DNAH8: variants seen among roughly 807,000 people sequenced by gnomAD.
The protein encoded by DNAH8 is dynein axonemal heavy chain 8.
DNAH8 carries 382 observed loss-of-function variants against 562.1 expected under a neutral mutation model. The ratio of observed to expected loss-of-function variants is 0.68; its 90% CI spans 0.63 to 0.74. The LOEUF is 0.74. Ranked by LOEUF, DNAH8 falls within the 30% of genes least tolerant of loss-of-function variation. The probability of loss-of-function intolerance (pLI) is 0.00; values close to 1 mark genes in which losing one functional copy is unlikely to be tolerated. For synonymous variants in DNAH8, 1,881 were observed against 1,919.4 expected (o/e 0.98, Z 0.52); for missense variants, 5,203 against 5,620.4 (o/e 0.93, Z 2.37).
At chr6:38,804,723 A>G (rs914797023) in intron 22 of DNAH8, among the ~76,000 whole-genome samples, 2 of 151,800 alleles carry the variant, frequency 1.3e-5, no homozygotes, top group African/African-American at 4.8e-5. Context: ...AGAACATTCC[A>G]GTCAAGCAGA....
chr6:38,841,628 G>A (rs1774798528), intron 33 of DNAH8, among the ~76,000 whole-genome samples: 1 of 152,152 alleles, frequency 6.6e-6, no homozygotes, highest in Admixed American at 6.5e-5. Flanking sequence ...ATTCTGTTGA[G>A]TGGTCAATTT....
chr6:38,943,030 C>A (rs537199965), intron 79 of DNAH8, among the ~76,000 whole-genome samples: 2 of 152,144 alleles, frequency 1.3e-5, no homozygotes, highest in South Asian at 2.1e-4. Context: ...ACATTTGTGA[C>A]CCCATTTCAT....
At chr6:38,735,151 A>G (rs903784714) in intron 5 of DNAH8, among the ~76,000 whole-genome samples, 2 of 152,218 alleles carry the variant, frequency 1.3e-5, no homozygotes, top group East Asian at 1.9e-4. Flanking sequence ...ACGTTCTTAA[A>G]TTGGGAATAA....
intron 5 of DNAH8, among the ~76,000 whole-genome samples, chr6:38,736,469 CTG>C (rs1764098558): frequency 6.6e-6 from 1 of 152,152 alleles, no homozygotes; most frequent in Admixed American, 6.5e-5. Context: ...CGACACCAAA[CTG>C]TATGAGTAGT....
At chr6:38,871,542 G>A (rs1395823751) in intron 49 of DNAH8, among the ~76,000 whole-genome samples, 1 of 152,068 alleles carries the variant, frequency 6.6e-6, no homozygotes, top group Non-Finnish European at 1.5e-5. Context: ...TTAAACTATA[G>A]TTTACAATGG....
intron 89 of DNAH8, 79 bp downstream of exon 89, chr6:39,009,049 A>G (rs1473314142): frequency 1.9e-6 from 2 of 1,066,808 alleles, no homozygotes; most frequent in Non-Finnish European, 2.7e-6. Context: ...TTGAAAAGCA[A>G]GAAATCTACC....
At chr6:38,929,336 A>G (rs1782354407) in intron 74 of DNAH8, 175 bp from the exon 75 acceptor site, 1 of 575,210 alleles carries the variant, frequency 1.7e-6, no homozygotes, top group Non-Finnish European at 2.9e-6. Context: ...CAACAAAATC[A>G]TGACTCACCA....
At position 38,894,690 on chromosome 6, in the gene DNAH8, T is replaced by C. The variant is rs1454003320; in HGVS notation, c.8584-11T>C. The stretch of plus-strand genomic sequence containing the variant: ...AAACTAACTGAGAGTATTACATTTT[T>C]TCATCTCTAGGTGAAGATGCTGCCA... On this transcript the variant is annotated splice_polypyrimidine_tract_variant and intron_variant, in intron 58 of 92. Coordinates refer to ENST00000327475, the MANE Select transcript of DNAH8 (RefSeq NM_001206927.2). 2 of 1,609,098 alleles carry C rather than the reference T, an allele frequency of 1.2e-6. No individual in the cohort carries two copies. The highest frequency in any genetic ancestry group is 1.7e-6 in the Non-Finnish European group (2 of 1,176,090).
rs143010287 is a variant in DNAH8, at chr6:39,014,761, A to G, written c.13714+2124A>G. ...GGGGAACAGGGAGACCAGTGTGGCCAGGGCTCAGGAGCAAGGCTGGGGGTA... is the reference window on the plus strand; with the variant it reads ...GGGGAACAGGGAGACCAGTGTGGCCGGGGCTCAGGAGCAAGGCTGGGGGTA... On this transcript the variant is annotated intron_variant, in intron 91 of 92. Coordinates refer to ENST00000327475, the MANE Select transcript of DNAH8 (RefSeq NM_001206927.2). Among the ~76,000 whole-genome samples, 699 of 152,282 alleles carry G rather than the reference A, an allele frequency of 4.6e-3. 6 individuals are homozygous for G. The highest frequency in any genetic ancestry group is 0.015 in the African/African-American group (640 of 41,562).
At chr6:38,931,720 G>A in intron 75 of DNAH8, 91 bp from the exon 76 acceptor site, 1 of 760,054 alleles carries the variant, frequency 1.3e-6, no homozygotes, top group Non-Finnish European at 2.1e-6. Context: ...AAGCGTCACA[G>A]CACTGACAGG....
In DNAH8 at chr6:38,807,593, C is replaced by A. The variant is rs1771400345; in HGVS notation, c.3151-17C>A. The A allele has an allele frequency of 7.2e-7, 1 of 1,381,162 alleles. No individual in the cohort carries two copies. Among genetic ancestry groups the A allele is most frequent in the Non-Finnish European group, 9.6e-7 (1 of 1,039,880 alleles). 85.6% of individuals were successfully genotyped at this position (1,381,162 alleles called of 1,614,324 possible). A position where few individuals can be genotyped will look rare whatever the true frequency, so the allele number is the denominator to read the frequency against. ...TTGGAGGAGAGATACCAAATTTAATCTGATTTCTTATTACAGGAGTGTAAA... is the reference window on the plus strand; with the variant it reads ...TTGGAGGAGAGATACCAAATTTAATATGATTTCTTATTACAGGAGTGTAAA... On this transcript the variant is annotated splice_polypyrimidine_tract_variant and intron_variant, in intron 23 of 92. Transcript: ENST00000327475.
rs999421026 is a variant in DNAH8 at position 38,789,951 on chromosome 6, A to G, written c.2664+68A>G. ...AAATTAGATTTCGGTTCTATAAACT[A>G]TGGATTTTGGAACATCTATTCTTCT... On this transcript the variant is annotated intron_variant, in intron 19 of 92. Coordinates refer to ENST00000327475, the MANE Select transcript of DNAH8 (RefSeq NM_001206927.2). 1.2e-5 allele frequency: 15 copies of G among 1,237,672 alleles called. No homozygotes were observed. In the African/African-American group the frequency reaches 2.1e-4, roughly 17 times the overall value. 76.7% of individuals were successfully genotyped at this position (1,237,672 alleles called of 1,614,324 possible).
At chr6:38,925,255 G>A (rs946930346) in intron 73 of DNAH8, among the ~76,000 whole-genome samples, 1 of 151,254 alleles carries the variant, frequency 6.6e-6, no homozygotes, top group Non-Finnish European at 1.5e-5. Context: ...ATTTAACAAA[G>A]GTGGAGGCTG....
rs1287323917 is a variant in DNAH8 at position 38,806,573 on chromosome 6, T to G, written c.3150+977T>G. 3.3e-5 allele frequency among the ~76,000 whole-genome samples: 5 copies of G among 152,124 alleles called. No homozygotes were observed. In the East Asian group the frequency reaches 7.7e-4, roughly 23 times the overall value. On this transcript the variant is annotated intron_variant, in intron 23 of 92. Coordinates refer to ENST00000327475, the MANE Select transcript of DNAH8 (RefSeq NM_001206927.2). Reference sequence around the variant, plus strand: ...AGAACCTCTCCAGTTGGGGGATCACTGGAGCTGTGCTAGTGGTCACCTCAT... The same window carrying G: ...AGAACCTCTCCAGTTGGGGGATCACGGGAGCTGTGCTAGTGGTCACCTCAT...
intron 89 of DNAH8, among the ~76,000 whole-genome samples, chr6:39,011,467 T>A (rs1471601799): frequency 6.6e-6 from 1 of 152,242 alleles, no homozygotes; most frequent in African/African-American, 2.4e-5. Flanking sequence ...AATCCCTTTA[T>A]GAGTTCCTGC....
rs531120149 is a variant in DNAH8, at chr6:39,023,450, G to A, written c.13715-3096G>A. ...GGAGCTTGCAGTGAGCGGAGATCAC[G>A]CCATTGCACTCCAGCCTGGGCGACA... is the stretch of plus-strand genomic sequence containing the variant. On this transcript the variant is annotated intron_variant, in intron 91 of 92. Transcript: ENST00000327475. Among the ~76,000 whole-genome samples, 13 of 152,240 alleles carry A rather than the reference G, an allele frequency of 8.5e-5. No homozygotes were observed. The East Asian group carries it at 1.5e-3, about 18-fold the overall frequency.
chr6:38,970,881 C>G (rs549543269), intron 82 of DNAH8, among the ~76,000 whole-genome samples: 1 of 152,166 alleles, frequency 6.6e-6, no homozygotes, highest in Non-Finnish European at 1.5e-5. Flanking sequence ...TGGGAGGTCA[C>G]AAGCATGGTT....
chr6:38,807,443 C>T (rs1223415744), intron 23 of DNAH8, among the ~76,000 whole-genome samples, 167 bp from the exon 24 acceptor site: 1 of 152,130 alleles, frequency 6.6e-6, no homozygotes, highest in Non-Finnish European at 1.5e-5. Flanking sequence ...CTAAAAAAAA[C>T]AGACAAGTAA....
Position 38,741,604 on chromosome 6 carries a change from G to T in DNAH8, c.1117-107G>T. 4.6e-6 allele frequency: 4 copies of T among 868,682 alleles called. No homozygotes were observed. In the South Asian group the frequency reaches 6.5e-5, roughly 14 times the overall value. 53.8% of individuals were successfully genotyped at this position (868,682 alleles called of 1,614,324 possible). On this transcript the variant is annotated intron_variant, in intron 7 of 92. Coordinates refer to ENST00000327475, the MANE Select transcript of DNAH8 (RefSeq NM_001206927.2). ...TACTGAGAGTTTTTAAACATTATTT[G>T]GTATTGAACATTATTTATACTTTCA...
Sources: gnomAD v4.1 joint callset for allele counts (sites outside exome capture counted in the v4.1 genomes callset) on GRCh38, gnomAD v4.1.1 for gene constraint, MANE v1.5 for transcripts, NCBI Gene and HGNC (gene_info 2026-07-23, HGNC 2026-07-21) for gene names.